Variants in RAPGEF2 observed in about 807,000 individuals in gnomAD.
RAPGEF2 encodes Rap guanine nucleotide exchange factor 2.
In RAPGEF2, 54 loss-of-function variants were observed where a neutral mutation model predicts 186.7. That is an observed-to-expected ratio of 0.29 (90% CI 0.23 to 0.36). The LOEUF (loss-of-function observed/expected upper bound fraction) is 0.36. RAPGEF2 is among the 10% of genes least tolerant of loss of function. The probability of loss-of-function intolerance (pLI) is 1.00; values close to 1 mark genes in which losing one functional copy is unlikely to be tolerated. For synonymous variants in RAPGEF2, 712 were observed against 705.9 expected (o/e 1.01, Z -0.14); for missense variants, 1,532 against 2,045.0 (o/e 0.75, Z 4.84).
intron 7 of RAPGEF2, among the ~76,000 whole-genome samples, chr4:159,300,217 A>G (rs1314566058): frequency 7.5e-6 from 1 of 133,986 alleles, no homozygotes; most frequent in Admixed American, 7.3e-5. Context: ...TCTGATTTAA[A>G]CAATATATAA....
At chr4:159,236,578 GA>G (rs1194854934) in intron 4 of RAPGEF2, among the ~76,000 whole-genome samples, 1 of 152,100 alleles carries the variant, frequency 6.6e-6, no homozygotes, top group Non-Finnish European at 1.5e-5. Flanking sequence ...AAACATTTAT[GA>G]TTTTTTACTA....
At chr4:159,222,227 T>A (rs1751613502) in intron 4 of RAPGEF2, among the ~76,000 whole-genome samples, 1 of 152,232 alleles carries the variant, frequency 6.6e-6, no homozygotes, top group South Asian at 2.1e-4. Context: ...TTGGTTGCTA[T>A]AACTACAACA....
At chr4:159,304,637 G>A (rs1323106306) in intron 8 of RAPGEF2, among the ~76,000 whole-genome samples, 164 bp downstream of exon 8, 3 of 152,138 alleles carry the variant, frequency 2.0e-5, no homozygotes, top group African/African-American at 7.2e-5. Context: ...TTTTTAGGGT[G>A]TAGAACTGCT....
At chr4:159,272,958 T>A (rs1758301221) in intron 7 of RAPGEF2, among the ~76,000 whole-genome samples, 1 of 152,242 alleles carries the variant, frequency 6.6e-6, no homozygotes, top group Non-Finnish European at 1.5e-5. Flanking sequence ...ATGTGTTATA[T>A]TACCATGACA....
At chr4:159,342,890 G>C in intron 20 of RAPGEF2, 89 bp from the exon 21 acceptor site, 2 of 1,138,598 alleles carry the variant, frequency 1.8e-6, no homozygotes, top group Non-Finnish European at 1.3e-6. Context: ...TGCATATAAA[G>C]CATAAACATA....
chr4:159,262,280 G>A (rs1476162935), intron 7 of RAPGEF2, among the ~76,000 whole-genome samples: 1 of 152,042 alleles, frequency 6.6e-6, no homozygotes, highest in Admixed American at 6.5e-5. Context: ...AAAAACAGAG[G>A]GATAATTAAC....
At chr4:159,322,540 C>G in intron 10 of RAPGEF2, 57 bp downstream of exon 10, 1 of 1,461,512 alleles carries the variant, frequency 6.8e-7, no homozygotes, top group Non-Finnish European at 9.5e-7. Flanking sequence ...CTCAATACAG[C>G]AATTGAACAA....
At chr4:159,261,314 G>C (rs1238702679) in intron 7 of RAPGEF2, among the ~76,000 whole-genome samples, 3 of 151,914 alleles carry the variant, frequency 2.0e-5, no homozygotes, top group Non-Finnish European at 4.4e-5. Flanking sequence ...CGCCCACCTT[G>C]ACCTCCCAAA....
chr4:159,211,770 C>T (rs1365524861), intron 4 of RAPGEF2, among the ~76,000 whole-genome samples: 2 of 152,156 alleles, frequency 1.3e-5, no homozygotes, highest in African/African-American at 4.8e-5. Flanking sequence ...CCTCTTTGCC[C>T]TTCTACTTCT....
intron 23 of RAPGEF2, among the ~76,000 whole-genome samples, chr4:159,344,636 ATTAC>A (rs1394695006): frequency 1.3e-5 from 2 of 152,224 alleles, no homozygotes; most frequent in Admixed American, 6.5e-5. Context: ...GATTGACCGT[ATTAC>A]TTTAAAAACT....
intron 7 of RAPGEF2, among the ~76,000 whole-genome samples, chr4:159,264,996 A>G (rs893125931): frequency 1.3e-5 from 2 of 152,168 alleles, no homozygotes; most frequent in African/African-American, 4.8e-5. Context: ...ATACATTTTT[A>G]TCTGTCGATG....
At chr4:159,113,400 G>T (rs1738710383) in intron 1 of RAPGEF2, among the ~76,000 whole-genome samples, 1 of 151,904 alleles carries the variant, frequency 6.6e-6, no homozygotes, top group Non-Finnish European at 1.5e-5. Flanking sequence ...AGCTTTTGAA[G>T]TTTTTTTTGT....
At chr4:159,349,273 C>A (rs1730834147) in intron 25 of RAPGEF2, among the ~76,000 whole-genome samples, 1 of 152,208 alleles carries the variant, frequency 6.6e-6, no homozygotes, top group Admixed American at 6.5e-5. Flanking sequence ...ATTTTACTAA[C>A]ACTAATTTGA....
chr4:159,106,362 C>G (rs1283069356), intron 1 of RAPGEF2, among the ~76,000 whole-genome samples: 1 of 151,976 alleles, frequency 6.6e-6, no homozygotes, highest in Non-Finnish European at 1.5e-5. Context: ...CCATCTTTAC[C>G]TGACTGGCCA....
chr4:159,334,138 AG>A (rs1317627047), intron 17 of RAPGEF2, among the ~76,000 whole-genome samples: 34 of 152,372 alleles, frequency 2.2e-4, no homozygotes, highest in African/African-American at 7.7e-4. Context: ...ACAATGGATT[AG>A]GGCACCTGGC....
chr4:159,332,876 T>C (rs1001041753), intron 17 of RAPGEF2, 179 bp downstream of exon 17: 15 of 586,716 alleles, frequency 2.6e-5, no homozygotes, highest in Non-Finnish European at 3.0e-5. Flanking sequence ...TGCCACTTAT[T>C]TGGCTACTCC....
chr4:159,247,392 C>A (rs1223952584), intron 7 of RAPGEF2, among the ~76,000 whole-genome samples: 1 of 152,010 alleles, frequency 6.6e-6, no homozygotes, highest in East Asian at 1.9e-4. Context: ...TCATGAACCA[C>A]CTGAATATCT....
At chr4:159,119,251 A>G (rs1424427710) in intron 1 of RAPGEF2, among the ~76,000 whole-genome samples, 3 of 152,280 alleles carry the variant, frequency 2.0e-5, no homozygotes, top group South Asian at 4.1e-4. Flanking sequence ...TTAGCAAGCA[A>G]TGTTAGTCTT....
intron 19 of RAPGEF2, among the ~76,000 whole-genome samples, chr4:159,341,103 T>G (rs1229340915): frequency 2.0e-5 from 3 of 152,206 alleles, no homozygotes; most frequent in African/African-American, 7.2e-5. Flanking sequence ...TAAGTCAACC[T>G]GGATTGTTAC....
Sources: gnomAD v4.1 joint callset for allele counts (sites outside exome capture counted in the v4.1 genomes callset) on GRCh38, gnomAD v4.1.1 for gene constraint, MANE v1.5 for transcripts, NCBI Gene and HGNC (gene_info 2026-07-23, HGNC 2026-07-21) for gene names.